PANK2: variants seen among roughly 807,000 people sequenced by gnomAD.
The protein encoded by PANK2 is pantothenate kinase 2, mitochondrial.
Under a neutral mutation model 43.1 loss-of-function variants are expected in PANK2, and 36 were observed. The ratio of observed to expected loss-of-function variants is 0.84; its 90% confidence interval spans 0.64 to 1.10. The LOEUF (loss-of-function observed/expected upper bound fraction) is 1.10, where lower values mean the gene tolerates loss of function less well. Ranked by LOEUF, PANK2 falls within the 50% of genes least tolerant of loss-of-function variation. The pLI is 0.00. For missense variants in PANK2, 576 were observed against 593.3 expected, an observed-to-expected ratio of 0.97 and a Z score of 0.30; for synonymous variants, 281 against 238.2, an observed-to-expected ratio of 1.18 and a Z score of -1.66.
At chr20:3,889,135 A>G (rs761235861), upstream of PANK2, 14 of 1,563,258 alleles carry the variant, frequency 9.0e-6, no homozygotes, top group South Asian at 5.9e-5. Flanking sequence ...CCACGCGTCC[A>G]TTGGGCGGCG....
At chr20:3,903,602 A>C (rs1278732282) in intron 1 of PANK2, among the ~76,000 whole-genome samples, 1 of 146,024 alleles carries the variant, frequency 6.8e-6, no homozygotes, top group African/African-American at 2.6e-5. Flanking sequence ...AGTAGCTGGG[A>C]TTTCAGCGCG....
At chr20:3,903,184 G>A (rs1190307966) in intron 1 of PANK2, among the ~76,000 whole-genome samples, 12 of 147,924 alleles carry the variant, frequency 8.1e-5, no homozygotes, top group South Asian at 2.1e-4. Context: ...TCCCTCTGTC[G>A]CCCAGGCTGG....
At position 3,889,804 on chromosome 20, in the gene PANK2, C is replaced by T. The variant is rs1418091990; in HGVS notation, c.298+76C>T. On this transcript the variant is annotated intron_variant, in intron 1 of 6. Coordinates refer to ENST00000610179, the MANE Select transcript of PANK2 (RefSeq NM_001386393.1). ...CCCACCCTGTCCCCTTCCGGCCCCG[C>T]CGCCGTTTTTCCCGCGCGCGGACAC... 5 of 1,545,766 alleles carry T rather than the reference C, an allele frequency of 3.2e-6. No homozygotes were observed. In the African/African-American group the frequency reaches 4.1e-5, roughly 13 times the overall value.
Position 3,914,035 on chromosome 20 carries a change from C to T in PANK2, c.1082+1401C>T, listed in dbSNP as rs183202217. ...CGATCTGCTGACCTCATGATCCGCC[C>T]GCCTTGGCCTCCCAAAGTGCTGGGA... On this transcript the variant is annotated intron_variant, in intron 4 of 6. Transcript: ENST00000610179. Among the ~76,000 whole-genome samples, 257 of 151,994 alleles carry T rather than the reference C, an allele frequency of 1.7e-3. 2 individuals are homozygous for T. The highest frequency in any genetic ancestry group is 6.0e-3 in the South Asian group (29 of 4,802).
At chr20:3,921,101 G>A (rs1017662564) in intron 6 of PANK2, among the ~76,000 whole-genome samples, 2 of 151,954 alleles carry the variant, frequency 1.3e-5, no homozygotes, top group African/African-American at 4.8e-5. Context: ...TGCACAACGC[G>A]CAGGTTTGTT....
intron 1 of PANK2, among the ~76,000 whole-genome samples, chr20:3,895,867 A>G (rs931719403): frequency 2.1e-4 from 32 of 152,258 alleles, no homozygotes; most frequent in African/African-American, 7.5e-4. Flanking sequence ...TTTTATAAGT[A>G]TCTAGTCCCT....
In PANK2 at chr20:3,928,800, G is replaced by A. The variant is rs1261882738; in HGVS notation, c.*5506G>A. The A allele has an allele frequency of 7.2e-6, 1 of 139,130 alleles. No individual in the cohort carries two copies. The highest frequency in any genetic ancestry group is 2.6e-5 in the African/African-American group (1 of 38,578). The allele number at this position is 139,130 out of a possible 1,614,324, so 8.6% of individuals were successfully genotyped here. A position where few individuals can be genotyped will look rare whatever the true frequency, so the allele number is the denominator to read the frequency against. On this transcript the variant is annotated 3_prime_UTR_variant, in exon 7 of 7. Transcript: ENST00000610179. ...AAAAATTGTTGGGGTAATTTCTGTT[G>A]TCAAATGGAAAACAAGGCATAAAGG...
intron 3 of PANK2, among the ~76,000 whole-genome samples, chr20:3,911,103 A>G (rs2090461862): frequency 6.6e-6 from 1 of 152,266 alleles, no homozygotes; most frequent in Non-Finnish European, 1.5e-5. Flanking sequence ...GTGCATACAC[A>G]AAGTAGCTAA....
intron 5 of PANK2, among the ~76,000 whole-genome samples, chr20:3,917,986 T>C (rs1452865247): frequency 3.3e-5 from 5 of 152,264 alleles, no homozygotes; most frequent in Non-Finnish European, 7.3e-5. Flanking sequence ...TTTGGTTGCT[T>C]GCTCATAACT....
intron 1 of PANK2, among the ~76,000 whole-genome samples, chr20:3,906,759 C>T (rs949691055): frequency 3.3e-5 from 5 of 152,050 alleles, no homozygotes; most frequent in African/African-American, 1.2e-4. Context: ...TAAATTGGGA[C>T]CTTCCATATG....
Position 3,923,306 on chromosome 20 carries a change from G to T in PANK2, c.*12G>T. ...TGAAGATCCCGTGATCATTACCTGG[G>T]GAGGGGTTCCTGAAACCTTCCACAA... On this transcript the variant is annotated 3_prime_UTR_variant, in exon 7 of 7. Coordinates refer to ENST00000610179, the MANE Select transcript of PANK2 (RefSeq NM_001386393.1). 1 of 1,614,016 alleles carries T rather than the reference G, an allele frequency of 6.2e-7. No individual in the cohort carries two copies. Among genetic ancestry groups the T allele is most frequent in the Non-Finnish European group, 8.5e-7 (1 of 1,179,922 alleles).
intron 1 of PANK2, among the ~76,000 whole-genome samples, chr20:3,894,893 G>C (rs1166004982): frequency 6.6e-6 from 1 of 152,208 alleles, no homozygotes; most frequent in Non-Finnish European, 1.5e-5. Flanking sequence ...CCATGTGTAA[G>C]AATCATGCAG....
chr20:3,917,155 G>A, intron 5 of PANK2, 105 bp downstream of exon 5: 2 of 1,475,670 alleles, frequency 1.4e-6, no homozygotes, highest in African/African-American at 1.4e-5. Context: ...TAGTCATTTG[G>A]GGTGGGGTTT....
chr20:3,891,455 C>T (rs2146811937), intron 1 of PANK2: 1 of 152,282 alleles, frequency 6.6e-6, no homozygotes, highest in African/African-American at 2.4e-5. Context: ...AACTGGGACA[C>T]GTTTGCCCGG....
chr20:3,900,089 G>C lies in PANK2; in HGVS notation c.299-7837G>C, dbSNP rs539414903. Among the ~76,000 whole-genome samples, 6 of 151,964 alleles carry C rather than the reference G, an allele frequency of 3.9e-5. No individual in the cohort carries two copies. The East Asian group carries it at 5.8e-4, about 15-fold the overall frequency. ...TTTGTTTGTGTTGTTTGGTCTGCTA[G>C]TATTGTATCTGCTTGCTGTTAACAT... On this transcript the variant is annotated intron_variant, in intron 1 of 6. Coordinates refer to ENST00000610179, the MANE Select transcript of PANK2 (RefSeq NM_001386393.1).
At chr20:3,911,583 C>CAAA (rs11414834) in intron 3 of PANK2, among the ~76,000 whole-genome samples, 67 of 145,916 alleles carry the variant, frequency 4.6e-4, no homozygotes, top group African/African-American at 1.4e-3. Flanking sequence ...GACTCCGTCT[C>CAAA]AAAAAAAAAA....
At chr20:3,889,166 G>T (rs144707315), upstream of PANK2, 13 of 1,602,122 alleles carry the variant, frequency 8.1e-6, no homozygotes, top group Middle Eastern at 1.7e-4. Flanking sequence ...TCTCTTCTGG[G>T]CTACACCGCC....
At chr20:3,900,293 T>C (rs1332535539) in intron 1 of PANK2, among the ~76,000 whole-genome samples, 1 of 151,846 alleles carries the variant, frequency 6.6e-6, no homozygotes, top group Non-Finnish European at 1.5e-5. Flanking sequence ...TCCTTTCCCC[T>C]GTAGGGAAAG....
chr20:3,896,989 T>C (rs2090219784), intron 1 of PANK2, among the ~76,000 whole-genome samples: 1 of 152,196 alleles, frequency 6.6e-6, no homozygotes, highest in African/African-American at 2.4e-5. Flanking sequence ...AGAGGTGTGG[T>C]GGAGGAGCAG....
Sources: allele counts gnomAD v4.1 joint callset (sites outside exome capture counted in the v4.1 genomes callset), GRCh38; gene constraint gnomAD v4.1.1; transcripts MANE v1.5; gene names NCBI Gene and HGNC (gene_info 2026-07-23, HGNC 2026-07-21).